SLC44A5: variants seen among roughly 807,000 people sequenced by gnomAD.
SLC44A5 encodes the protein choline transporter-like protein 5.
SLC44A5 carries 57 observed loss-of-function variants against 101.8 expected under a neutral mutation model. The ratio of observed to expected loss-of-function variants is 0.56; its 90% CI spans 0.45 to 0.70. SLC44A5 has a LOEUF of 0.70. Among genes scored for constraint, SLC44A5 ranks in the 30% least tolerant of loss-of-function variants. The pLI, the probability that SLC44A5 is intolerant of heterozygous loss-of-function variation, is 0.00. For synonymous variants in SLC44A5, 281 were observed against 290.9 expected (o/e 0.97, Z 0.35); for missense variants, 737 against 853.1 (o/e 0.86, Z 1.70).
At chr1:75,476,201 A>C (rs990445206) in intron 2 of SLC44A5, among the ~76,000 whole-genome samples, 1 of 152,006 alleles carries the variant, frequency 6.6e-6, no homozygotes, top group Non-Finnish European at 1.5e-5. Flanking sequence ...AAGTATATAT[A>C]TATATATAGA....
rs763281785 is a variant in SLC44A5 at position 75,330,104 on chromosome 1, T to TACAC, written c.101+9477_101+9478insGTGT. Among the ~76,000 whole-genome samples the TACAC allele has an allele frequency of 1.0e-3, 148 of 144,236 alleles. 2 individuals are homozygous for TACAC. The highest frequency in any genetic ancestry group is 5.2e-3 in the South Asian group (24 of 4,580). The allele number at this position is 144,236 out of a possible 152,430, so 94.6% of individuals were successfully genotyped here. ...CTGTGTGGCAAATGAAATATATATA[T>TACAC]ATACACACACACACACACACACACA... On this transcript the variant is annotated intron_variant, in intron 4 of 23. Transcript: ENST00000370859.
chr1:75,580,571 G>C (rs1673626683), intron 1 of SLC44A5, among the ~76,000 whole-genome samples: 1 of 152,188 alleles, frequency 6.6e-6, no homozygotes, highest in Non-Finnish European at 1.5e-5. Flanking sequence ...CCAGCGCAGT[G>C]GCTCACACCT....
intron 1 of SLC44A5, among the ~76,000 whole-genome samples, chr1:75,574,463 A>G (rs939822750): frequency 7.2e-5 from 11 of 152,230 alleles, no homozygotes; most frequent in Non-Finnish European, 1.5e-4. Flanking sequence ...TTGATAAAAT[A>G]TTGACAATAA....
At chr1:75,689,140 C>T in the SLC44A5 span, among the ~76,000 whole-genome samples, 1 of 152,122 alleles carries the variant, frequency 6.6e-6, no homozygotes, top group Non-Finnish European at 1.5e-5. Context: ...TTAGGAATAG[C>T]CCTTACTAGT....
intron 2 of SLC44A5, among the ~76,000 whole-genome samples, chr1:75,536,842 T>C (rs1289396858): frequency 7.3e-6 from 1 of 137,164 alleles, no homozygotes; most frequent in Non-Finnish European, 1.6e-5. Context: ...CCGTCTCTAC[T>C]AAAAATACAA....
At chr1:75,707,198 C>G in the SLC44A5 span, among the ~76,000 whole-genome samples, 1 of 152,018 alleles carries the variant, frequency 6.6e-6, no homozygotes, top group African/African-American at 2.4e-5. Context: ...TCCCATAGAC[C>G]CTGGCTGACA....
Position 75,218,507 on chromosome 1 carries a change from T to C in SLC44A5, c.1512A>G (p.Ala504=), listed in dbSNP as rs757126968. 2 of 1,613,690 alleles carry C rather than the reference T, an allele frequency of 1.2e-6. No homozygotes were observed. The highest frequency in any genetic ancestry group is 1.7e-6 in the Non-Finnish European group (2 of 1,179,682). ...DDIPRYPLFT[A]FGRAIRYHTG... ...AAACTTACCGTATGGCTCGTCCAAA[T>C]GCAGTAAAAAGTGGATATCGTGGGA... Residue 504 remains alanine (A), a synonymous_variant, in exon 17 of 24, where the codon GCA becomes GCG. Transcript: ENST00000370859.
intron 3 of SLC44A5, among the ~76,000 whole-genome samples, chr1:75,343,032 C>CGTACTCTA (rs1175803332): frequency 6.6e-6 from 1 of 151,986 alleles, no homozygotes; most frequent in Non-Finnish European, 1.5e-5. Flanking sequence ...GGGGCCCTCA[C>CGTACTCTA]GTACTCTAAT....
At chr1:75,261,018 T>A (rs1168800387) in intron 6 of SLC44A5, among the ~76,000 whole-genome samples, 1 of 152,058 alleles carries the variant, frequency 6.6e-6, no homozygotes, top group Non-Finnish European at 1.5e-5. Context: ...GGGACACATT[T>A]AAAGCAGTCT....
Position 75,447,856 on chromosome 1 carries a change from C to T in SLC44A5, c.14-51235G>A, listed in dbSNP as rs188846897. Among the ~76,000 whole-genome samples the T allele has an allele frequency of 1.3e-3, 197 of 152,010 alleles. 2 individuals are homozygous for T. The highest frequency in any genetic ancestry group is 4.7e-3 in the African/African-American group (194 of 41,472). ...TAAGTCAGTTTTGTTTTTCATTATA[C>T]CTTAATGGTTTAGTAAATATAAGCA... On this transcript the variant is annotated intron_variant, in intron 2 of 23. Coordinates refer to ENST00000370859, the MANE Select transcript of SLC44A5 (RefSeq NM_001130058.2).
chr1:75,291,041 C>T (rs1426104489), intron 5 of SLC44A5, among the ~76,000 whole-genome samples: 5 of 152,064 alleles, frequency 3.3e-5, no homozygotes, highest in Non-Finnish European at 7.4e-5. Flanking sequence ...TTGAAGAAAA[C>T]AGAAAAACAA....
chr1:75,227,079 GGCACGGTGGCTCACGCCA>G (rs1409163025), intron 13 of SLC44A5, among the ~76,000 whole-genome samples: 25 of 152,126 alleles, frequency 1.6e-4, no homozygotes, highest in African/African-American at 4.8e-4. Context: ...TTTCAGGCTG[GGCACGGTGGCTCACGCCA>G]GCACGGTGGC....
intron 3 of SLC44A5, among the ~76,000 whole-genome samples, chr1:75,356,135 C>T (rs995477468): frequency 6.8e-6 from 1 of 147,080 alleles, no homozygotes; most frequent in South Asian, 2.1e-4. Flanking sequence ...ATTGCTTGAA[C>T]TCAGGAGGCA....
intron 2 of SLC44A5, among the ~76,000 whole-genome samples, chr1:75,421,932 G>C (rs1664033756): frequency 6.6e-6 from 1 of 151,616 alleles, no homozygotes; most frequent in South Asian, 2.1e-4. Context: ...ATCAAGAATT[G>C]TCCTGGGACT....
intron 1 of SLC44A5, among the ~76,000 whole-genome samples, chr1:75,577,939 T>A (rs571347033): frequency 6.6e-6 from 1 of 152,276 alleles, no homozygotes; most frequent in African/African-American, 2.4e-5. Context: ...CTTCCCAATA[T>A]ATACTGTGAT....
chr1:75,391,215 A>T (rs1241134811), intron 3 of SLC44A5, among the ~76,000 whole-genome samples: 3 of 152,196 alleles, frequency 2.0e-5, no homozygotes, highest in Non-Finnish European at 4.4e-5. Flanking sequence ...CAAATGAAAA[A>T]ATGAAAAAAT....
chr1:75,678,077 C>T, the SLC44A5 span, among the ~76,000 whole-genome samples: 6,686 of 152,290 alleles, frequency 0.044, 197 homozygotes, highest in African/African-American at 0.087. Context: ...CGGCGCACCA[C>T]GAGATTATAT....
At chr1:75,329,158 G>C (rs1656831704) in intron 4 of SLC44A5, among the ~76,000 whole-genome samples, 1 of 152,146 alleles carries the variant, frequency 6.6e-6, no homozygotes, top group South Asian at 2.1e-4. Context: ...TAAAGATGTG[G>C]TCATTTCAGA....
intron 1 of SLC44A5, among the ~76,000 whole-genome samples, chr1:75,580,347 G>A (rs1193848764): frequency 6.6e-6 from 1 of 152,168 alleles, no homozygotes; most frequent in Non-Finnish European, 1.5e-5. Context: ...TGTCCCATAT[G>A]ACTAGCTCTA....
Sources: gnomAD v4.1 joint callset for allele counts (sites outside exome capture counted in the v4.1 genomes callset) on GRCh38, gnomAD v4.1.1 for gene constraint, MANE v1.5 for transcripts, NCBI Gene and HGNC (gene_info 2026-07-23, HGNC 2026-07-21) for gene names.